WWOX: variants seen among roughly 807,000 people sequenced by gnomAD.
WWOX encodes WW domain-containing oxidoreductase.
WWOX carries 69 observed loss-of-function variants against 46.2 expected under a neutral mutation model. The ratio of observed to expected loss-of-function variants is 1.49; its 90% confidence interval spans 1.23 to 1.82. The LOEUF (loss-of-function observed/expected upper bound fraction) is 1.82. Among genes scored for constraint, WWOX ranks in the 40% most tolerant of loss-of-function variants. The pLI is 0.00. For synonymous variants in WWOX, 359 were observed against 202.6 expected, an observed-to-expected ratio of 1.77 and a Z score of -6.56; for missense variants, 919 against 542.6, an observed-to-expected ratio of 1.69 and a Z score of -6.89.
intron 8 of WWOX, among the ~76,000 whole-genome samples, chr16:79,068,489 A>G (rs1309004188): frequency 6.6e-6 from 1 of 151,942 alleles, no homozygotes; most frequent in Non-Finnish European, 1.5e-5. Context: ...TTCAGAAAGC[A>G]CTGCACGTGT....
intron 8 of WWOX, among the ~76,000 whole-genome samples, chr16:78,760,906 C>T (rs1212174628): frequency 6.6e-6 from 1 of 152,160 alleles, no homozygotes; most frequent in African/African-American, 2.4e-5. Context: ...AGGCGCATCT[C>T]ACGTGGTGGC....
At chr16:78,758,946 A>G (rs560481630) in intron 8 of WWOX, among the ~76,000 whole-genome samples, 62 of 151,842 alleles carry the variant, frequency 4.1e-4, no homozygotes, top group Non-Finnish European at 8.2e-4. Context: ...ACAAAAAAAA[A>G]AAAAACAAAA....
intron 8 of WWOX, among the ~76,000 whole-genome samples, chr16:78,588,005 C>G (rs1468340531): frequency 1.3e-5 from 2 of 152,172 alleles, no homozygotes; most frequent in East Asian, 3.9e-4. Context: ...AGATAAGATA[C>G]AAATGTGACC....
chr16:78,744,347 A>G (rs1012598327), intron 8 of WWOX, among the ~76,000 whole-genome samples: 8 of 147,146 alleles, frequency 5.4e-5, no homozygotes, highest in African/African-American at 1.5e-4. Context: ...TTGCTTTTTT[A>G]TAGTGACTGC....
At position 78,938,408 on chromosome 16, in the gene WWOX, A is replaced by C. The variant is rs183900739; in HGVS notation, c.1057-273200A>C. On this transcript the variant is annotated intron_variant, in intron 8 of 8. Coordinates refer to ENST00000566780, the MANE Select transcript of WWOX (RefSeq NM_016373.4). The stretch of plus-strand genomic sequence containing the variant: ...ATATTTATCAAGTGCAGAGGCCCAG[A>C]CACAGAGAGCTTGAGGACCTTTGTG... Among the ~76,000 whole-genome samples the C allele has an allele frequency of 2.3e-4, 35 of 152,034 alleles. No homozygotes were observed. In the South Asian group the frequency reaches 2.5e-3, roughly 11 times the overall value.
chr16:78,553,694 C>G (rs2667505), intron 8 of WWOX, among the ~76,000 whole-genome samples: 75,917 of 151,538 alleles, frequency 0.5, 21,696 homozygotes, highest in Admixed American at 0.65. Flanking sequence ...TGATAGAGAA[C>G]CTTTCCCTAG....
chr16:78,889,978 A>G (rs923652585), intron 8 of WWOX, among the ~76,000 whole-genome samples: 1 of 152,040 alleles, frequency 6.6e-6, no homozygotes, highest in African/African-American at 2.4e-5. Context: ...CAGAAAATGA[A>G]TCTCTGTTTT....
intron 8 of WWOX, among the ~76,000 whole-genome samples, chr16:78,590,145 A>ATTCT (rs201222690): frequency 4.9e-5 from 1 of 20,296 alleles, no homozygotes; most frequent in Admixed American, 5.7e-4. Context: ...TTAGGCATTC[A>ATTCT]GTCTCTCTCT....
intron 8 of WWOX, chr16:78,525,719 C>T (rs534464513): frequency 2.6e-5 from 4 of 152,104 alleles, no homozygotes; most frequent in African/African-American, 9.6e-5. Flanking sequence ...CGAGAATCTA[C>T]CATAAGCTAC....
chr16:78,320,719 C>A (rs192259931), intron 5 of WWOX, among the ~76,000 whole-genome samples: 71 of 152,262 alleles, frequency 4.7e-4, no homozygotes, highest in South Asian at 1.7e-3. Flanking sequence ...CCATCTGTTT[C>A]TCTTGGTTAT....
At chr16:78,335,318 C>T (rs1414869055) in intron 5 of WWOX, among the ~76,000 whole-genome samples, 2 of 152,100 alleles carry the variant, frequency 1.3e-5, no homozygotes, top group South Asian at 4.2e-4. Flanking sequence ...TATCCGCCTC[C>T]ACCGTGTGTC....
chr16:78,367,199 T>G (rs2081555519), intron 5 of WWOX, among the ~76,000 whole-genome samples: 1 of 152,020 alleles, frequency 6.6e-6, no homozygotes, highest in African/African-American at 2.4e-5. Flanking sequence ...CACTTTGGTC[T>G]CAATCTCCTG....
intron 5 of WWOX, among the ~76,000 whole-genome samples, chr16:78,363,975 A>C (rs184595931): frequency 3.9e-5 from 6 of 152,322 alleles, no homozygotes; most frequent in Admixed American, 1.3e-4. Flanking sequence ...CCGACTGACC[A>C]AGTGGGCAAG....
intron 8 of WWOX, among the ~76,000 whole-genome samples, chr16:78,598,214 C>A (rs2045535997): frequency 6.6e-6 from 1 of 152,086 alleles, no homozygotes; most frequent in Admixed American, 6.5e-5. Context: ...CCACTTCTGG[C>A]CCAGAAACAG....
At chr16:78,736,869 A>G (rs1014144198) in intron 8 of WWOX, among the ~76,000 whole-genome samples, 1 of 152,038 alleles carries the variant, frequency 6.6e-6, no homozygotes, top group African/African-American at 2.4e-5. Context: ...TCAGAATCCC[A>G]AAGTGCTGGG....
intron 8 of WWOX, among the ~76,000 whole-genome samples, chr16:78,846,178 C>CA: frequency 6.6e-6 from 1 of 152,240 alleles, no homozygotes; most frequent in South Asian, 2.1e-4. Context: ...ACAGAAAAGC[C>CA]ATAAAAAATA....
chr16:78,329,605 T>C lies in WWOX; in HGVS notation c.517-57255T>C, dbSNP rs563234192. On this transcript the variant is annotated intron_variant, in intron 5 of 8. Transcript: ENST00000566780. ...CTGGCAATGTCCCCAGTGCAACCTATGTAAAATATAGCAGTTTCCTGCACA... is the reference window on the plus strand; with the variant it reads ...CTGGCAATGTCCCCAGTGCAACCTACGTAAAATATAGCAGTTTCCTGCACA... Among the ~76,000 whole-genome samples the C allele has an allele frequency of 4.6e-5, 7 of 152,362 alleles. No homozygotes were observed. In the South Asian group the frequency reaches 1.4e-3, roughly 32 times the overall value.
chr16:79,200,140 C>T (rs968521613), intron 8 of WWOX, among the ~76,000 whole-genome samples: 1 of 152,138 alleles, frequency 6.6e-6, no homozygotes, highest in South Asian at 2.1e-4. Flanking sequence ...GCACCATAGA[C>T]CCCTTCTGGT....
intron 8 of WWOX, among the ~76,000 whole-genome samples, chr16:78,917,235 C>A (rs890325128): frequency 6.6e-6 from 1 of 152,214 alleles, no homozygotes; most frequent in South Asian, 2.1e-4. Flanking sequence ...TACTGCAGAC[C>A]TCCCAAAGCT....
Sources: allele counts gnomAD v4.1 joint callset (sites outside exome capture counted in the v4.1 genomes callset), GRCh38; gene constraint gnomAD v4.1.1; transcripts MANE v1.5; gene names NCBI Gene and HGNC (gene_info 2026-07-23, HGNC 2026-07-21).